The following ST18 variants were observed in gnomAD, a reference collection of about 807,000 sequenced individuals.
ST18 encodes suppression of tumorigenicity 18 protein.
ST18 carries 50 observed loss-of-function variants against 110.0 expected under a neutral mutation model. That is an observed-to-expected ratio of 0.45 (90% CI 0.36 to 0.58). ST18 has a LOEUF of 0.58. Ranked by LOEUF, ST18 falls within the 20% of genes least tolerant of loss-of-function variation. The pLI is 0.00. For missense variants in ST18, 1,306 were observed against 1,280.1 expected, an observed-to-expected ratio of 1.02 and a Z score of -0.31; for synonymous variants, 461 against 452.4, an observed-to-expected ratio of 1.02 and a Z score of -0.24.
At chr8:52,221,896 G>T (rs189414990) in intron 3 of ST18, 103 bp from the exon 4 acceptor site, 2 of 147,188 alleles carry the variant, frequency 1.4e-5, no homozygotes, top group Non-Finnish European at 3.0e-5. Flanking sequence ...CTTAGTTTGC[G>T]TTTGATTGCA....
At chr8:52,352,045 T>G (rs1053923218) in intron 2 of ST18, among the ~76,000 whole-genome samples, 6 of 152,112 alleles carry the variant, frequency 3.9e-5, no homozygotes, top group Admixed American at 3.9e-4. Context: ...AACCCAAACC[T>G]GCAGAGCACC....
At chr8:52,183,751 C>T (rs780067334) in intron 8 of ST18, among the ~76,000 whole-genome samples, 10 of 152,198 alleles carry the variant, frequency 6.6e-5, no homozygotes, top group African/African-American at 9.7e-5. Flanking sequence ...AATGCAGCAT[C>T]GCAAGCTTTC....
At position 52,209,408 on chromosome 8, in the gene ST18, C is replaced by T. The variant is rs559484059; in HGVS notation, c.86+2671G>A. On this transcript the variant is annotated intron_variant, in intron 8 of 25. Coordinates refer to ENST00000689386, the MANE Select transcript of ST18 (RefSeq NM_001352837.2). The stretch of plus-strand genomic sequence containing the variant: ...CATAGTTTCTGCCTAATAAGGCTAT[C>T]GGGAGGATTAAGTGAGATAATAGAG... 8.5e-5 allele frequency among the ~76,000 whole-genome samples: 13 copies of T among 152,128 alleles called. 1 individual carries two copies. Among genetic ancestry groups the T allele is most frequent in the Middle Eastern group, 6.8e-3 (2 of 294 alleles).
chr8:52,137,605 T>C (rs1307373476), intron 17 of ST18, 122 bp from the exon 18 acceptor site: 11 of 858,484 alleles, frequency 1.3e-5, no homozygotes, highest in Middle Eastern at 2.2e-4. Flanking sequence ...GTATAGGACA[T>C]GCAGAAGCTA....
intron 17 of ST18, among the ~76,000 whole-genome samples, chr8:52,142,579 G>T (rs1203062587): frequency 3.9e-5 from 6 of 152,160 alleles, no homozygotes. Flanking sequence ...TTGAAAATGT[G>T]ATGAAAACCA....
chr8:52,352,028 C>T (rs538426745), intron 2 of ST18, among the ~76,000 whole-genome samples: 16 of 152,066 alleles, frequency 1.1e-4, no homozygotes, highest in Non-Finnish European at 2.2e-4. Flanking sequence ...CATGTGGCAT[C>T]GATGAAAACC....
intron 2 of ST18, among the ~76,000 whole-genome samples, chr8:52,350,542 G>T (rs1201004873): frequency 6.6e-6 from 1 of 152,074 alleles, no homozygotes; most frequent in Non-Finnish European, 1.5e-5. Context: ...AGCAGCAACT[G>T]CAAACCAAAC....
At chr8:52,160,442 C>T (rs184868140) in intron 14 of ST18, among the ~76,000 whole-genome samples, 108 of 152,330 alleles carry the variant, frequency 7.1e-4, no homozygotes, top group African/African-American at 2.6e-3. Flanking sequence ...TCATCAGCAT[C>T]ACATAATGAG....
chr8:52,360,191 C>T (rs1365800937), intron 2 of ST18, among the ~76,000 whole-genome samples: 1 of 151,954 alleles, frequency 6.6e-6, no homozygotes, highest in African/African-American at 2.4e-5. Flanking sequence ...TCAGTCTTTC[C>T]AGCATATTGT....
chr8:52,309,520 CAAAAAAAAAAAAA>C (rs756214451), intron 2 of ST18, among the ~76,000 whole-genome samples: 1 of 37,762 alleles, frequency 2.6e-5, no homozygotes, highest in East Asian at 8.8e-4. Flanking sequence ...GACTCCATCT[CAAAAAAAAAAAAA>C]AAAAAAAAAA....
intron 2 of ST18, chr8:52,403,398 G>A (rs1843414210): frequency 6.6e-6 from 1 of 152,296 alleles, no homozygotes; most frequent in Admixed American, 6.5e-5. Flanking sequence ...TGAACTCCAG[G>A]CAGCTCCCCA....
chr8:52,290,830 C>T (rs1286782136), intron 2 of ST18, among the ~76,000 whole-genome samples: 1 of 152,208 alleles, frequency 6.6e-6, no homozygotes, highest in Non-Finnish European at 1.5e-5. Flanking sequence ...GCTTTTCCTC[C>T]CTGACTTCCT....
rs757717985 is a variant in ST18 at position 52,112,966 on chromosome 8, CAT to C, written c.*230_*231del. On this transcript the variant is annotated 3_prime_UTR_variant, in exon 26 of 26. Transcript: ENST00000689386. ...GTACAATGAAGAAATAAAAGAAAAA[CAT>C]ATGAAAATAAATAAGATCTAATAAT... 38 of 346,550 alleles carry C rather than the reference CAT, an allele frequency of 1.1e-4. No individual in the cohort carries two copies. Among genetic ancestry groups the C allele is most frequent in the East Asian group, 9.6e-4 (21 of 21,880 alleles). The allele number at this position is 346,550 out of a possible 1,614,324, so 21.5% of individuals were successfully genotyped here.
chr8:52,396,380 T>G (rs904347503), intron 2 of ST18, among the ~76,000 whole-genome samples: 1 of 152,196 alleles, frequency 6.6e-6, no homozygotes, highest in Admixed American at 6.5e-5. Context: ...TTTCTTTCTG[T>G]GTCTGGCTTA....
intron 11 of ST18, 141 bp downstream of exon 11, chr8:52,166,711 C>T: frequency 8.5e-7 from 1 of 1,169,926 alleles, no homozygotes; most frequent in Non-Finnish European, 1.1e-6. Flanking sequence ...TATTTTAAAA[C>T]CCACAGCTAG....
chr8:52,123,712 T>C (rs1348559657), intron 23 of ST18, among the ~76,000 whole-genome samples: 1 of 152,202 alleles, frequency 6.6e-6, no homozygotes, highest in African/African-American at 2.4e-5. Flanking sequence ...GCTAGACATA[T>C]AGGGACCCTT....
At position 52,172,222 on chromosome 8, in the gene ST18, G is replaced by A; in HGVS notation, c.639C>T (p.Thr213=). ...CATACTTTGGGACTCTAGGTGGTTT[G>A]GTTTCTTCTGAGAAGTTGGAGCCAC... ...WDSGSNFSEE[T]KPPRVPKYVL... is the part of the protein sequence containing the mutation. Residue 213 remains threonine, a synonymous_variant, in exon 10 of 26, where the codon ACC becomes ACT. Coordinates refer to ENST00000689386, the MANE Select transcript of ST18 (RefSeq NM_001352837.2). 2 of 1,614,062 alleles carry A rather than the reference G, an allele frequency of 1.2e-6. No homozygotes were observed. The highest frequency in any genetic ancestry group is 1.7e-6 in the Non-Finnish European group (2 of 1,180,004).
chr8:52,178,645 C>CAAAAAAAAAAAAAAAAAAAAAA (rs1563897561), intron 9 of ST18, among the ~76,000 whole-genome samples: 5 of 30,110 alleles, frequency 1.7e-4, no homozygotes, highest in Non-Finnish European at 1.2e-4. Context: ...AAAAAAAAAC[C>CAAAAAAAAAAAAAAAAAAAAAA]ACCAAAAACC....
chr8:52,314,153 C>T (rs2095978402), intron 2 of ST18, among the ~76,000 whole-genome samples: 1 of 152,202 alleles, frequency 6.6e-6, no homozygotes, highest in African/African-American at 2.4e-5. Flanking sequence ...CTCTCCTGCC[C>T]TGTCCCACTT....
Sources: allele counts gnomAD v4.1 joint callset (sites outside exome capture counted in the v4.1 genomes callset), GRCh38; gene constraint gnomAD v4.1.1; transcripts MANE v1.5; gene names NCBI Gene and HGNC (gene_info 2026-07-23, HGNC 2026-07-21).